The following IL1R2 variants were observed in gnomAD, a reference collection of about 807,000 sequenced individuals.
The protein encoded by IL1R2 is interleukin 1 receptor type 2.
A neutral mutation model predicts 39.5 loss-of-function variants in IL1R2; 46 were observed. The observed-to-expected ratio is 1.16, with a 90% CI of 0.92 to 1.49. IL1R2 has a LOEUF of 1.49. IL1R2 is among the 40% of genes most tolerant of loss of function. The pLI, the probability that IL1R2 is intolerant of heterozygous loss-of-function variation, is 0.00. For synonymous variants in IL1R2, 207 were observed against 189.6 expected, an observed-to-expected ratio of 1.09 and a Z score of -0.75; for missense variants, 537 against 502.0, an observed-to-expected ratio of 1.07 and a Z score of -0.67.
intron 8 of IL1R2, among the ~76,000 whole-genome samples, 184 bp from the exon 9 acceptor site, chr2:102,028,042 C>A (rs1052256336): frequency 6.6e-6 from 1 of 152,218 alleles, no homozygotes; most frequent in African/African-American, 2.4e-5. Flanking sequence ...TTCTCTAATG[C>A]CACAGACATC....
chr2:102,020,924 C>T (rs1363695869), intron 5 of IL1R2, among the ~76,000 whole-genome samples: 2 of 152,172 alleles, frequency 1.3e-5, no homozygotes, highest in South Asian at 2.1e-4. Context: ...TCTCGGGTCC[C>T]GTGGAGACCT....
At position 102,013,821 on chromosome 2, in the gene IL1R2, G is replaced by A. The variant is rs529409822; in HGVS notation, c.333-2050G>A. Among the ~76,000 whole-genome samples, 14 of 152,182 alleles carry A rather than the reference G, an allele frequency of 9.2e-5. No homozygotes were observed. In the East Asian group the frequency reaches 2.7e-3, roughly 29 times the overall value. ...AGCCTGCTTTGGAGGGTCTCTCATG[G>A]CTGTTACAACTTTCATGTAGAAGGG... On this transcript the variant is annotated intron_variant, in intron 3 of 8. Transcript: ENST00000332549.
intron 3 of IL1R2, among the ~76,000 whole-genome samples, chr2:102,012,649 T>G (rs995501449): frequency 1.3e-5 from 2 of 152,124 alleles, no homozygotes; most frequent in Non-Finnish European, 2.9e-5. Flanking sequence ...TATAAGCAAT[T>G]TAGGGACAGG....
At chr2:101,993,247 C>T (rs1342116871) in intron 1 of IL1R2, among the ~76,000 whole-genome samples, 1 of 152,102 alleles carries the variant, frequency 6.6e-6, no homozygotes. Context: ...TGCGGTGTGT[C>T]CCCAGAGGCG....
chr2:101,999,840 T>C (rs1675762138), intron 1 of IL1R2, among the ~76,000 whole-genome samples: 1 of 152,208 alleles, frequency 6.6e-6, no homozygotes, highest in Admixed American at 6.5e-5. Flanking sequence ...CTGTATGTAT[T>C]TAGAATTGTG....
At position 102,024,485 on chromosome 2, in the gene IL1R2, G is replaced by A. The variant is rs772806405; in HGVS notation, c.752-48G>A. 1.7e-5 allele frequency: 23 copies of A among 1,390,470 alleles called. No homozygotes were observed. The African/African-American group carries it at 2.1e-4, about 13-fold the overall frequency. 86.1% of individuals were successfully genotyped at this position (1,390,470 alleles called of 1,614,324 possible). ...TCAGGGCTCAGGTTTGCTGGTGGGT[G>A]GGAGGTGCTGGTTCTGCAGTTGACG... On this transcript the variant is annotated intron_variant, in intron 6 of 8. Transcript: ENST00000332549.
intron 2 of IL1R2, 45 bp downstream of exon 2, chr2:102,008,687 T>C (rs1280847975): frequency 1.3e-6 from 2 of 1,503,230 alleles, no homozygotes; most frequent in Non-Finnish European, 1.9e-6. Flanking sequence ...GCCTGTAGCT[T>C]CGCTGGGGAA....
rs755265601 is a variant in IL1R2, at chr2:102,028,274, C to G, written c.1079C>G (p.Ala360Gly). ...WGIVLAPLSL[A>G]FLVLGGIWMH... is the part of the protein sequence containing the mutation. ...ATTGTGCTGGCCCCACTTTCACTGG[C>G]CTTCTTGGTTTTGGGGGGAATATGG... The change falls in exon 9 of 9, where the codon GCC becomes GGC. Residue 360 changes from alanine to glycine, a missense_variant. Ala to Gly is a moderately conservative substitution (Grantham distance 60, BLOSUM62 0). Transcript: ENST00000332549. 1.2e-6 allele frequency: 2 copies of G among 1,612,598 alleles called. No homozygotes were observed. Among genetic ancestry groups the G allele is most frequent in the Non-Finnish European group, 1.7e-6 (2 of 1,179,424 alleles).
chr2:102,021,671 G>C (rs1411373500), intron 5 of IL1R2, among the ~76,000 whole-genome samples: 1 of 152,240 alleles, frequency 6.6e-6, no homozygotes, highest in Non-Finnish European at 1.5e-5. Flanking sequence ...CCTCTCCAGA[G>C]AGTTTATCTC....
intron 4 of IL1R2, among the ~76,000 whole-genome samples, chr2:102,019,404 T>A (rs1449925063): frequency 6.6e-6 from 1 of 152,194 alleles, no homozygotes; most frequent in Admixed American, 6.5e-5. Flanking sequence ...TGGACAAATA[T>A]GCTCTAACTA....
At chr2:102,022,147 G>C (rs747093682) in intron 5 of IL1R2, 40 bp from the exon 6 acceptor site, 6 of 1,535,172 alleles carry the variant, frequency 3.9e-6, no homozygotes, top group African/African-American at 2.7e-5. Context: ...TCAAATGAAG[G>C]CTTTCCTAAC....
rs774646490 is a variant in IL1R2, at chr2:102,008,642, G to A, written c.67G>A (p.Gly23Arg). The A allele has an allele frequency of 1.2e-6, 2 of 1,613,234 alleles. No homozygotes were observed. Among genetic ancestry groups the A allele is most frequent in the Non-Finnish European group, 1.7e-6 (2 of 1,179,330 alleles). ...CACCCTTCAGCCTGCGGCACACACA[G>A]GTTAGAAGTAAACCTTTCAGATGCA... ...AFTLQPAAHT[G>R]AARSCRFRGR... is the part of the protein sequence containing the mutation. Residue 23 changes from glycine to arginine, a missense_variant and splice_region_variant, in exon 2 of 9, where the codon GGG (glycine) becomes AGG (arginine). Transcript: ENST00000332549.
chr2:102,010,142 G>C, intron 3 of IL1R2: 1 of 362,214 alleles, frequency 2.8e-6, no homozygotes, highest in South Asian at 3.3e-5. Context: ...ACACATTTGT[G>C]TGCGCTACTG....
intron 1 of IL1R2, among the ~76,000 whole-genome samples, chr2:101,996,110 C>T (rs758846622): frequency 3.5e-5 from 5 of 143,970 alleles, no homozygotes; most frequent in Non-Finnish European, 6.0e-5. Flanking sequence ...CGCCCGACTT[C>T]AAGGGTTCAG....
intron 1 of IL1R2, among the ~76,000 whole-genome samples, chr2:102,006,315 A>G (rs1676257412): frequency 6.6e-6 from 1 of 152,204 alleles, no homozygotes; most frequent in Non-Finnish European, 1.5e-5. Flanking sequence ...AGTCACAGGA[A>G]CTATTTGTGC....
intron 1 of IL1R2, among the ~76,000 whole-genome samples, chr2:101,999,365 C>T (rs989812911): frequency 5.3e-5 from 8 of 152,216 alleles, no homozygotes; most frequent in African/African-American, 1.9e-4. Flanking sequence ...CTTCCAGTTA[C>T]TAATTAACTT....
At chr2:102,020,782 T>C (rs1029404835) in intron 5 of IL1R2, among the ~76,000 whole-genome samples, 3 of 152,154 alleles carry the variant, frequency 2.0e-5, no homozygotes, top group Non-Finnish European at 4.4e-5. Context: ...TGCGATACTG[T>C]GCATGAACAC....
chr2:102,013,974 C>T (rs1676829744), intron 3 of IL1R2, among the ~76,000 whole-genome samples: 1 of 152,112 alleles, frequency 6.6e-6, no homozygotes, highest in Admixed American at 6.5e-5. Flanking sequence ...ACTATCACGC[C>T]TTTGCCATGG....
At chr2:102,018,628 A>G (rs1400733140) in intron 4 of IL1R2, among the ~76,000 whole-genome samples, 3 of 152,024 alleles carry the variant, frequency 2.0e-5, no homozygotes, top group Admixed American at 6.6e-5. Context: ...CCTGTTCTAA[A>G]CTCCCTGACA....
Sources: gnomAD v4.1 joint callset for allele counts (sites outside exome capture counted in the v4.1 genomes callset) on GRCh38, gnomAD v4.1.1 for gene constraint, MANE v1.5 for transcripts, NCBI Gene and HGNC (gene_info 2026-07-23, HGNC 2026-07-21) for gene names.